CCNQ: variants seen among roughly 807,000 people sequenced by gnomAD.
The protein encoded by CCNQ is cyclin-Q.
In CCNQ, 3 loss-of-function variants were observed where a neutral mutation model predicts 17.7. The observed-to-expected ratio is 0.17, with a 90% confidence interval of 0.08 to 0.44. The LOEUF (loss-of-function observed/expected upper bound fraction) is 0.44, where lower values mean the gene tolerates loss of function less well. Ranked by LOEUF, CCNQ falls within the 20% of genes least tolerant of loss-of-function variation. The pLI is 0.99. For missense variants in CCNQ, 146 were observed against 222.6 expected (o/e 0.66, Z 2.19); for synonymous variants, 73 against 96.0 (o/e 0.76, Z 1.40).
intron 4 of CCNQ, among the ~76,000 whole-genome samples, chrX:153,592,057 C>T (rs186054734): frequency 4.5e-5 from 5 of 110,986 alleles, no homozygotes; most frequent in African/African-American, 9.8e-5. Context: ...ATCAATCACC[C>T]GCCACCCTGC....
At chrX:153,592,002 A>G (rs2090994870) in intron 4 of CCNQ, among the ~76,000 whole-genome samples, 1 of 110,784 alleles carries the variant, frequency 9.0e-6, no homozygotes, top group Admixed American at 9.6e-5. Context: ...GCACAGGCCT[A>G]CAGAGTTCCA....
At chrX:153,592,871 C>T (rs1400644158) in intron 3 of CCNQ, 138 bp from the exon 4 acceptor site, 2 of 577,530 alleles carry the variant, frequency 3.5e-6, no homozygotes, top group Non-Finnish European at 5.7e-6. Flanking sequence ...CTGCTGGCCC[C>T]ATCTCCTGCC....
Position 153,599,077 on chromosome X carries a change from GC to G in CCNQ, c.-5del. The G allele has an allele frequency of 1.0e-6, 1 of 999,174 alleles. No individual in the cohort carries two copies. Among genetic ancestry groups the G allele is most frequent in the Non-Finnish European group, 1.3e-6 (1 of 778,461 alleles). 82.3% of individuals were successfully genotyped at this position (999,174 alleles called of 1,213,427 possible). A position where few individuals can be genotyped will look rare whatever the true frequency, so the allele number is the denominator to read the frequency against. ...CGCCGCCCTCCGGGGCTTCCATGAG[GC>G]GCCGCGGCACCGGCGGAAGGAGAGG... On this transcript the variant is annotated 5_prime_UTR_variant, in exon 1 of 5. Coordinates refer to ENST00000576892, the MANE Select transcript of CCNQ (RefSeq NM_152274.5).
At chrX:153,594,798 ATG>A in intron 2 of CCNQ, 119 bp from the exon 3 acceptor site, 1 of 761,965 alleles carries the variant, frequency 1.3e-6, no homozygotes, top group Non-Finnish European at 2.0e-6. Context: ...CTGCAGATTC[ATG>A]GAGGGTCATT....
At position 153,595,972 on chromosome X, in the gene CCNQ, T is replaced by G. The variant is rs782541596; in HGVS notation, c.296+32A>C. 1.7e-5 allele frequency: 21 copies of G among 1,202,583 alleles called. No homozygotes were observed. The African/African-American group carries it at 2.5e-4, about 14-fold the overall frequency. On this transcript the variant is annotated intron_variant, in intron 2 of 4. Coordinates refer to ENST00000576892, the MANE Select transcript of CCNQ (RefSeq NM_152274.5). Reference sequence around the variant, plus strand: ...TTCCCTGCCCGTCCCCCCCACCGGGTGGAGATCAGGAGCCCAGCCAAATGC... The same window carrying G: ...TTCCCTGCCCGTCCCCCCCACCGGGGGGAGATCAGGAGCCCAGCCAAATGC...
At chrX:153,591,627 C>T (rs1269861425) in intron 4 of CCNQ, among the ~76,000 whole-genome samples, 3 of 111,235 alleles carry the variant, frequency 2.7e-5, no homozygotes, top group South Asian at 3.8e-4. Context: ...ACCCTGAGCA[C>T]GAGGCAGCCA....
chrX:153,598,951 G>A lies in CCNQ; in HGVS notation c.112+11C>T. 1.8e-6 allele frequency: 2 copies of A among 1,121,469 alleles called. No homozygotes were observed. The highest frequency in any genetic ancestry group is 2.0e-5 in the South Asian group (1 of 50,844). The allele number at this position is 1,121,469 out of a possible 1,213,427, so 92.4% of individuals were successfully genotyped here. On this transcript the variant is annotated intron_variant, in intron 1 of 4. Coordinates refer to ENST00000576892, the MANE Select transcript of CCNQ (RefSeq NM_152274.5). ...GCGCCGCCTGTCCTGGCCTCCCCCG[G>A]CCGCGGTTACCTGCCTCCATGATGA...
At chrX:153,591,607 C>A (rs782637131) in intron 4 of CCNQ, among the ~76,000 whole-genome samples, 21 of 111,447 alleles carry the variant, frequency 1.9e-4, no homozygotes, top group African/African-American at 5.2e-4. Context: ...TTTGCCCCCC[C>A]CAGAGTCCAA....
intron 4 of CCNQ, 86 bp downstream of exon 4, chrX:153,592,420 T>A: frequency 1.1e-6 from 1 of 936,309 alleles, no homozygotes; most frequent in Non-Finnish European, 1.5e-6. Context: ...TCTTCATGGA[T>A]AATTAATAGA....
At position 153,594,740 on chromosome X, in the gene CCNQ, C is replaced by T. The variant is rs782501590; in HGVS notation, c.297-61G>A. On this transcript the variant is annotated intron_variant, in intron 2 of 4. Transcript: ENST00000576892. ...GCAGTCTCCTGAGCACTGGATGGCT[C>T]AAATTGCTTAAGTCACACAATGTCC... 3 of 1,142,664 alleles carry T rather than the reference C, an allele frequency of 2.6e-6. No homozygotes were observed. The East Asian group carries it at 9.0e-5, about 34-fold the overall frequency. 94.2% of individuals were successfully genotyped at this position (1,142,664 alleles called of 1,213,427 possible).
chrX:153,592,214 C>T, intron 4 of CCNQ, among the ~76,000 whole-genome samples: 1 of 112,441 alleles, frequency 8.9e-6, no homozygotes, highest in Middle Eastern at 4.6e-3. Context: ...CAGTCAAGTT[C>T]CCACTCAATT....
intron 1 of CCNQ, among the ~76,000 whole-genome samples, chrX:153,597,189 G>A (rs1293132560): frequency 3.6e-5 from 4 of 111,672 alleles, no homozygotes; most frequent in Non-Finnish European, 5.6e-5. Flanking sequence ...GAAAGGCGAA[G>A]AACAACCGAC....
chrX:153,595,335 C>T (rs1210921094), intron 2 of CCNQ, among the ~76,000 whole-genome samples: 1 of 112,893 alleles, frequency 8.9e-6, no homozygotes, highest in African/African-American at 3.2e-5. Flanking sequence ...CCAGGCTGGT[C>T]TTGAACTCCT....
At chrX:153,590,050 A>G (rs1388989915) in intron 4 of CCNQ, among the ~76,000 whole-genome samples, 1 of 108,753 alleles carries the variant, frequency 9.2e-6, no homozygotes, top group Non-Finnish European at 1.9e-5. Flanking sequence ...CAACATGGTG[A>G]AACCCCGTCT....
chrX:153,596,032 T>C lies in CCNQ; in HGVS notation c.268A>G (p.Thr90Ala), dbSNP rs782147876. The C allele has an allele frequency of 8.3e-7, 1 of 1,211,607 alleles. No homozygotes were observed. The highest frequency in any genetic ancestry group is 1.8e-5 in the South Asian group (1 of 56,990). The change falls in exon 2 of 5, where the codon ACT (threonine) becomes GCT (alanine). Residue 90 changes from threonine (T) to alanine (A), a missense_variant. Coordinates refer to ENST00000576892, the MANE Select transcript of CCNQ (RefSeq NM_152274.5). ...TTGGACACATTGATGATGTCACGAGTCCGCAGGTGCTGCTCTTCCACTTTG... is the reference window on the plus strand; with the variant it reads ...TTGGACACATTGATGATGTCACGAGCCCGCAGGTGCTGCTCTTCCACTTTG... ...AGKVEEQHLR[T>A]RDIINVSNRY...
intron 2 of CCNQ, 41 bp downstream of exon 2, chrX:153,595,963 C>T (rs371929354): frequency 8.3e-6 from 10 of 1,204,978 alleles, no homozygotes; most frequent in African/African-American, 5.2e-5. Context: ...GCCCGTCCCC[C>T]CCACCGGGTG....
intron 4 of CCNQ, among the ~76,000 whole-genome samples, chrX:153,588,941 G>A (rs1362022339): frequency 8.8e-6 from 1 of 113,166 alleles, no homozygotes; most frequent in African/African-American, 3.2e-5. Context: ...AGGAGCACTC[G>A]CAAGACGGCG....
intron 3 of CCNQ, among the ~76,000 whole-genome samples, chrX:153,593,975 G>A (rs782088745): frequency 8.8e-6 from 1 of 113,183 alleles, no homozygotes; most frequent in African/African-American, 3.2e-5. Flanking sequence ...CGTGCATGGA[G>A]CTGCGGTGCC....
rs1188961308 is a variant in CCNQ, at chrX:153,596,029, G to A, written c.271C>T (p.Arg91Cys). The A allele has an allele frequency of 5.0e-6, 6 of 1,212,063 alleles. No homozygotes were observed. The highest frequency in any genetic ancestry group is 6.7e-6 in the Non-Finnish European group (6 of 895,577). The change falls in exon 2 of 5, where the codon CGT (arginine) becomes TGT (cysteine). Residue 91 changes from arginine (R) to cysteine (C), a missense_variant. Arg to Cys is a radical substitution (Grantham distance 180). Coordinates refer to ENST00000576892, the MANE Select transcript of CCNQ (RefSeq NM_152274.5). ...GKVEEQHLRTRDIINVSNRYF... is the reference protein window; with the variant it reads ...GKVEEQHLRTCDIINVSNRYF... The stretch of plus-strand genomic sequence containing the variant: ...CTGTTGGACACATTGATGATGTCAC[G>A]AGTCCGCAGGTGCTGCTCTTCCACT...
Sources: gnomAD v4.1 joint callset for allele counts (sites outside exome capture counted in the v4.1 genomes callset) on GRCh38, gnomAD v4.1.1 for gene constraint, MANE v1.5 for transcripts, NCBI Gene and HGNC (gene_info 2026-07-23, HGNC 2026-07-21) for gene names.